Variants in ADAP1 observed in about 807,000 individuals in gnomAD.
ADAP1 encodes ArfGAP with dual PH domains 1.
A neutral mutation model predicts 54.9 loss-of-function variants in ADAP1; 31 were observed. The ratio of observed to expected loss-of-function variants is 0.56; its 90% CI spans 0.42 to 0.76. The LOEUF is 0.76. Among genes scored for constraint, ADAP1 ranks in the 30% least tolerant of loss-of-function variants. The pLI is 0.00. For synonymous variants in ADAP1, 313 were observed against 202.6 expected, an observed-to-expected ratio of 1.55 and a Z score of -4.63; for missense variants, 535 against 512.4, an observed-to-expected ratio of 1.04 and a Z score of -0.42.
rs1402861167 is a variant in ADAP1 at position 945,317 on chromosome 7, G to C, written c.82+9079C>G. On this transcript the variant is annotated intron_variant, in intron 1 of 10. Coordinates refer to ENST00000265846, the MANE Select transcript of ADAP1 (RefSeq NM_006869.4). This position sits in a 1 kb window ranked among gnomAD's most constrained non-coding sequence, Gnocchi z 4.2. ...GACCCTCCAGGGTGGAAGGGGAGCT[G>C]GTCTGACGCCCCAGCAGCAGGGCCC... is the stretch of plus-strand genomic sequence containing the variant. Among the ~76,000 whole-genome samples the C allele has an allele frequency of 6.6e-6, 1 of 152,232 alleles. No homozygotes were observed. The highest frequency in any genetic ancestry group is 1.5e-5 in the Non-Finnish European group (1 of 68,030).
intron 4 of ADAP1, among the ~76,000 whole-genome samples, chr7:919,138 G>GC (rs1846057173): frequency 6.6e-6 from 1 of 152,198 alleles, no homozygotes; most frequent in Non-Finnish European, 1.5e-5. Flanking sequence ...CCACCCGAGG[G>GC]CCCCCAAGGG....
chr7:927,937 C>A (rs1040165996), intron 2 of ADAP1, among the ~76,000 whole-genome samples: 1 of 151,732 alleles, frequency 6.6e-6, no homozygotes, highest in South Asian at 2.1e-4. Flanking sequence ...AAGGGCCAGC[C>A]GGGGACAGGG....
At position 905,046 on chromosome 7, in the gene ADAP1, C is replaced by T. The variant is rs1881121; in HGVS notation, c.501+14G>A. The T allele has an allele frequency of 0.83, 1,341,403 of 1,606,676 alleles. 561,667 individuals carry two copies. The highest frequency in any genetic ancestry group is 1 in the East Asian group (44,829 of 44,856). ...CTGGGACAGGCCCCCACCCCACCCC[C>T]GTCTGTGACTCACATCATTTCTGTT... On this transcript the variant is annotated intron_variant, in intron 5 of 10. Transcript: ENST00000265846.
chr7:930,545 G>A (rs547854363), intron 2 of ADAP1, among the ~76,000 whole-genome samples: 33 of 151,506 alleles, frequency 2.2e-4, no homozygotes, highest in African/African-American at 2.7e-4. Context: ...CAGGGCTGGC[G>A]CGGTGGCTCA....
rs577228196 is a variant in ADAP1, at chr7:920,149, T to G, written c.306-99A>C. On this transcript the variant is annotated intron_variant, in intron 3 of 10. Transcript: ENST00000265846. The surrounding 1 kb of genome is among the most constrained non-coding windows in gnomAD (Gnocchi z 4.5). ...GACCCTGGACATCTCAAGAGGCTCA[T>G]AGGGACCCCCGGCAGACTCGAGCCG... The G allele has an allele frequency of 2.8e-6, 3 of 1,089,346 alleles. No homozygotes were observed. In the African/African-American group the frequency reaches 4.7e-5, roughly 17 times the overall value. The allele number at this position is 1,089,346 out of a possible 1,614,324, so 67.5% of individuals were successfully genotyped here.
At chr7:922,651 G>C (rs1846231045) in intron 3 of ADAP1, among the ~76,000 whole-genome samples, 1 of 152,044 alleles carries the variant, frequency 6.6e-6, no homozygotes, top group African/African-American at 2.4e-5. Context: ...ATGGAGTTCA[G>C]GACACCATCA....
At chr7:913,085 C>G (rs528323157) in intron 4 of ADAP1, among the ~76,000 whole-genome samples, 2 of 152,270 alleles carry the variant, frequency 1.3e-5, no homozygotes, top group South Asian at 4.1e-4. Context: ...CTCAAGCAAC[C>G]CTCCCACCTC....
intron 4 of ADAP1, 107 bp from the exon 5 acceptor site, chr7:905,279 C>CACGGACGGGGGGAG (rs1845063885): frequency 2.9e-6 from 1 of 342,348 alleles, no homozygotes; most frequent in Non-Finnish European, 4.7e-6. Context: ...ACACGGGGGA[C>CACGGACGGGGGGAG]ACGGACGGGG....
intron 4 of ADAP1, among the ~76,000 whole-genome samples, chr7:911,378 C>T (rs938246031): frequency 2.8e-4 from 42 of 152,208 alleles, no homozygotes; most frequent in Non-Finnish European, 5.6e-4. Flanking sequence ...CCCCCATCCC[C>T]GCCAGGCTGC....
rs759670185 is a variant in ADAP1 at position 905,286 on chromosome 7, G to GGGGGACACGGACA, written c.389-127_389-115dup. ...GGGAGAAGACACGGGGGACACGGAC[G>GGGGGACACGGACA]GGGGACACGGACAGGGGGAGACGGA... On this transcript the variant is annotated intron_variant, in intron 4 of 10. Transcript: ENST00000265846. 14 of 462,310 alleles carry GGGGGACACGGACA rather than the reference G, an allele frequency of 3.0e-5. 1 individual carries two copies. Among genetic ancestry groups the GGGGGACACGGACA allele is most frequent in the Admixed American group, 6.2e-5 (2 of 32,314 alleles). 28.6% of individuals were successfully genotyped at this position (462,310 alleles called of 1,614,324 possible). A position where few individuals can be genotyped will look rare whatever the true frequency, so the allele number is the denominator to read the frequency against.
At chr7:900,031 G>A (rs1844710166) in intron 8 of ADAP1, 71 bp downstream of exon 8, 7 of 1,561,964 alleles carry the variant, frequency 4.5e-6, no homozygotes, top group East Asian at 2.2e-5. Flanking sequence ...TGGCAAGGCT[G>A]CTGCACTTCA....
intron 6 of ADAP1, 83 bp from the exon 7 acceptor site, chr7:900,699 G>A (rs1844757362): frequency 8.2e-7 from 1 of 1,216,216 alleles, no homozygotes. Flanking sequence ...TCCCCACAGA[G>A]GGGCCGCTTC....
intron 1 of ADAP1, among the ~76,000 whole-genome samples, chr7:941,580 T>C (rs999275069): frequency 5.3e-5 from 8 of 152,180 alleles, no homozygotes; most frequent in African/African-American, 1.2e-4. Flanking sequence ...GAAAGAGGGA[T>C]AAATGTGATG....
intron 1 of ADAP1, among the ~76,000 whole-genome samples, chr7:951,871 G>T (rs1489520123): frequency 1.3e-5 from 2 of 152,170 alleles, no homozygotes; most frequent in Non-Finnish European, 2.9e-5. Context: ...GTGTGATCAC[G>T]ACTCACTGCA....
chr7:918,486 C>T (rs1159169139), intron 4 of ADAP1, among the ~76,000 whole-genome samples: 1 of 152,164 alleles, frequency 6.6e-6, no homozygotes. Flanking sequence ...GGATTACAGG[C>T]CTGAGACACG....
intron 1 of ADAP1, among the ~76,000 whole-genome samples, chr7:949,915 G>A (rs940691898): frequency 6.6e-6 from 1 of 152,220 alleles, no homozygotes; most frequent in Non-Finnish European, 1.5e-5. Context: ...GCACAGAATC[G>A]CCATGGGACC....
intron 6 of ADAP1, among the ~76,000 whole-genome samples, chr7:902,158 C>G (rs1583117745): frequency 6.6e-6 from 1 of 151,310 alleles, no homozygotes; most frequent in East Asian, 2.0e-4. Flanking sequence ...CCGGTCTCTA[C>G]TAAAAATACA....
Position 919,963 on chromosome 7 carries a change from C to T in ADAP1, c.388+5G>A, listed in dbSNP as rs1165940753. On this transcript the variant is annotated splice_donor_5th_base_variant and intron_variant, in intron 4 of 10. Transcript: ENST00000265846. ...GGAGGCCCCACCCCACCCGGGTGGC[C>T]TCACCTGCCGAGTAGGGCTCCTGCT... 6 of 1,602,758 alleles carry T rather than the reference C, an allele frequency of 3.7e-6. No homozygotes were observed. The highest frequency in any genetic ancestry group is 5.1e-6 in the Non-Finnish European group (6 of 1,178,612).
At chr7:909,775 G>A (rs1291594039) in intron 4 of ADAP1, among the ~76,000 whole-genome samples, 4 of 152,156 alleles carry the variant, frequency 2.6e-5, no homozygotes, top group Non-Finnish European at 5.9e-5. Context: ...GGCAGGACTC[G>A]ACCAGTATTT....
Sources: allele counts gnomAD v4.1 joint callset (sites outside exome capture counted in the v4.1 genomes callset), GRCh38; gene constraint gnomAD v4.1.1; non-coding constraint Gnocchi (gnomAD v3.1); transcripts MANE v1.5; gene names NCBI Gene and HGNC (gene_info 2026-07-23, HGNC 2026-07-21).